Variants in ERN1 observed in about 807,000 individuals in gnomAD.
The protein encoded by ERN1 is endoplasmic reticulum to nucleus signaling 1.
Under a neutral mutation model 113.1 loss-of-function variants are expected in ERN1, and 39 were observed. That is an observed-to-expected ratio of 0.34 (90% CI 0.27 to 0.45). The LOEUF (loss-of-function observed/expected upper bound fraction) is 0.45. Ranked by LOEUF, ERN1 falls within the 20% of genes least tolerant of loss-of-function variation. The pLI is 1.00. For missense variants in ERN1, 976 were observed against 1,274.8 expected, an observed-to-expected ratio of 0.77 and a Z score of 3.57; for synonymous variants, 507 against 515.9, an observed-to-expected ratio of 0.98 and a Z score of 0.23.
At chr17:64,067,211 A>C (rs563792282) in intron 7 of ERN1, among the ~76,000 whole-genome samples, 2 of 152,262 alleles carry the variant, frequency 1.3e-5, no homozygotes, top group Non-Finnish European at 2.9e-5. Context: ...TCAATAAGTG[A>C]GAGTAAATAC....
At chr17:64,078,154 T>C (rs1007796801) in intron 4 of ERN1, among the ~76,000 whole-genome samples, 1 of 152,236 alleles carries the variant, frequency 6.6e-6, no homozygotes, top group African/African-American at 2.4e-5. Flanking sequence ...CCGCCAGCAG[T>C]AGGTGAGAGT....
intron 2 of ERN1, among the ~76,000 whole-genome samples, chr17:64,090,664 G>A (rs111607665): frequency 1.9e-4 from 29 of 152,112 alleles, no homozygotes; most frequent in African/African-American, 6.3e-4. Context: ...CTGCAAAGAC[G>A]ACCCATCGGA....
intron 3 of ERN1, chr17:64,080,551 T>C (rs921766327): frequency 2.5e-5 from 12 of 485,436 alleles, no homozygotes; most frequent in East Asian, 7.1e-5. Context: ...TTGAGTTTCA[T>C]CTCAAATAAG....
intron 2 of ERN1, among the ~76,000 whole-genome samples, chr17:64,082,132 T>C (rs1156605980): frequency 6.6e-6 from 1 of 152,220 alleles, no homozygotes; most frequent in Admixed American, 6.5e-5. Flanking sequence ...AGCCTTATCA[T>C]ATGTTGACTT....
chr17:64,122,383 T>C (rs945288013), intron 1 of ERN1, among the ~76,000 whole-genome samples: 9 of 152,154 alleles, frequency 5.9e-5, no homozygotes, highest in South Asian at 2.1e-4. Flanking sequence ...ATATTTCTTA[T>C]GTGCAGCTGG....
chr17:64,048,284 C>T (rs376840933), intron 18 of ERN1, among the ~76,000 whole-genome samples: 17 of 152,168 alleles, frequency 1.1e-4, no homozygotes, highest in African/African-American at 3.9e-4. Flanking sequence ...TATGGATTGA[C>T]GTGGAGAGAG....
At chr17:64,079,873 C>T (rs745565512) in intron 3 of ERN1, 139 bp from the exon 4 acceptor site, 10 of 622,452 alleles carry the variant, frequency 1.6e-5, no homozygotes, top group Non-Finnish European at 2.6e-5. Flanking sequence ...GTATATAAGA[C>T]AATTCCACCC....
At chr17:64,097,958 A>T in intron 2 of ERN1, 163 bp downstream of exon 2, 1 of 844,250 alleles carries the variant, frequency 1.2e-6, no homozygotes, top group Non-Finnish European at 1.8e-6. Context: ...AAAGCTATAA[A>T]CGTCCTTTGA....
At chr17:64,080,688 T>G in intron 3 of ERN1, 87 bp downstream of exon 3, 1 of 1,208,094 alleles carries the variant, frequency 8.3e-7, no homozygotes, top group Non-Finnish European at 1.2e-6. Flanking sequence ...TACACATATA[T>G]GCACTCCCAG....
intron 2 of ERN1, among the ~76,000 whole-genome samples, chr17:64,095,902 C>A (rs1003715249): frequency 2.0e-5 from 3 of 152,202 alleles, no homozygotes; most frequent in South Asian, 2.1e-4. Context: ...ACCTCTGACA[C>A]CCCACTTCAC....
At position 64,126,692 on chromosome 17, in the gene ERN1, T is replaced by C. The variant is rs2291677; in HGVS notation, c.54+3284A>G. Among the ~76,000 whole-genome samples the C allele has an allele frequency of 3.9e-4, 59 of 151,634 alleles. 2 individuals are homozygous for C. In the East Asian group the frequency reaches 9.6e-3, roughly 25 times the overall value. Reference sequence around the variant, plus strand: ...GCCCTGATAACAAACTCAATGAACATTCTACTTATGGCCTCAGTATAAACA... The same window carrying C: ...GCCCTGATAACAAACTCAATGAACACTCTACTTATGGCCTCAGTATAAACA... On this transcript the variant is annotated intron_variant, in intron 1 of 21. Coordinates refer to ENST00000433197, the MANE Select transcript of ERN1 (RefSeq NM_001433.5).
intron 4 of ERN1, among the ~76,000 whole-genome samples, chr17:64,076,842 C>T (rs924839484): frequency 3.3e-5 from 5 of 152,102 alleles, no homozygotes; most frequent in Non-Finnish European, 5.9e-5. Context: ...CCTTGTGATC[C>T]GCCCGCCTCG....
chr17:64,102,299 A>T (rs558790068), intron 1 of ERN1, among the ~76,000 whole-genome samples: 16 of 152,274 alleles, frequency 1.1e-4, no homozygotes, highest in Non-Finnish European at 2.4e-4. Context: ...AACAAAAACA[A>T]CAACAACACT....
chr17:64,062,549 T>C (rs1384032765), intron 10 of ERN1, among the ~76,000 whole-genome samples: 1 of 152,210 alleles, frequency 6.6e-6, no homozygotes, highest in Non-Finnish European at 1.5e-5. Context: ...GCAGTTTCCT[T>C]ACTTGGACAA....
rs375408321 is a variant in ERN1 at position 64,117,585 on chromosome 17, A to T, written c.54+12391T>A. On this transcript the variant is annotated intron_variant, in intron 1 of 21. Coordinates refer to ENST00000433197, the MANE Select transcript of ERN1 (RefSeq NM_001433.5). ...ACTATCAACACCAGTCCTCCAGAAG[A>T]TTAGACAAGAAACAAACAGGAGCAC... 4.6e-5 allele frequency among the ~76,000 whole-genome samples: 7 copies of T among 152,358 alleles called. No homozygotes were observed. The East Asian group carries it at 1.2e-3, about 25-fold the overall frequency.
intron 1 of ERN1, among the ~76,000 whole-genome samples, chr17:64,120,020 G>A (rs920693683): frequency 2.6e-5 from 4 of 152,098 alleles, no homozygotes; most frequent in Non-Finnish European, 5.9e-5. Flanking sequence ...GCCTCCCAAA[G>A]TGCTGGGATT....
intron 4 of ERN1, among the ~76,000 whole-genome samples, chr17:64,077,986 G>A (rs575756998): frequency 2.3e-4 from 35 of 152,124 alleles, no homozygotes; most frequent in Admixed American, 5.2e-4. Flanking sequence ...GCCCACCTTG[G>A]CCTCCCAAAG....
intron 2 of ERN1, among the ~76,000 whole-genome samples, chr17:64,082,477 C>T (rs546967761): frequency 2.8e-4 from 42 of 152,218 alleles, no homozygotes; most frequent in East Asian, 3.9e-4. Flanking sequence ...TATCATATTC[C>T]GAAGAAAACA....
intron 3 of ERN1, chr17:64,080,445 G>A: frequency 3.7e-6 from 1 of 273,766 alleles, no homozygotes; most frequent in Non-Finnish European, 7.1e-6. Context: ...TGTAGTAGCA[G>A]GTCACATTCA....
Sources: allele counts gnomAD v4.1 joint callset (sites outside exome capture counted in the v4.1 genomes callset), GRCh38; gene constraint gnomAD v4.1.1; transcripts MANE v1.5; gene names NCBI Gene and HGNC (gene_info 2026-07-23, HGNC 2026-07-21).